FBXL17: variants seen among roughly 807,000 people sequenced by gnomAD.
FBXL17 encodes F-box and leucine rich repeat protein 17, also known as F-box/LRR-repeat protein 17.
In FBXL17, 22 loss-of-function variants were observed where a neutral mutation model predicts 66.2. The observed-to-expected ratio is 0.33, with a 90% confidence interval of 0.24 to 0.47. The LOEUF is 0.47. Among genes scored for constraint, FBXL17 ranks in the 20% least tolerant of loss-of-function variants. The probability of loss-of-function intolerance (pLI) is 1.00; values close to 1 mark genes in which losing one functional copy is unlikely to be tolerated. For synonymous variants in FBXL17, 474 were observed against 400.5 expected (o/e 1.18, Z -2.19); for missense variants, 878 against 948.2 (o/e 0.93, Z 0.97).
intron 6 of FBXL17, among the ~76,000 whole-genome samples, chr5:108,181,996 C>A (rs1337363320): frequency 6.6e-6 from 1 of 152,014 alleles, no homozygotes. Context: ...GAACAAAAGA[C>A]GTTGAAGAGA....
At chr5:107,961,530 C>A (rs1297563232) in intron 7 of FBXL17, among the ~76,000 whole-genome samples, 1 of 152,018 alleles carries the variant, frequency 6.6e-6, no homozygotes, top group African/African-American at 2.4e-5. Context: ...TCTGGCCAGG[C>A]AACTTCTGAT....
At chr5:108,288,378 T>C (rs930894194) in intron 4 of FBXL17, among the ~76,000 whole-genome samples, 4 of 147,364 alleles carry the variant, frequency 2.7e-5, no homozygotes, top group African/African-American at 1.0e-4. Flanking sequence ...TTGAAAAAAA[T>C]GGGACCAACA....
intron 6 of FBXL17, among the ~76,000 whole-genome samples, chr5:108,036,336 C>T (rs1746838985): frequency 6.6e-6 from 1 of 152,166 alleles, no homozygotes; most frequent in African/African-American, 2.4e-5. Flanking sequence ...CACAAGGAAG[C>T]ATCTCAGGCA....
intron 6 of FBXL17, among the ~76,000 whole-genome samples, chr5:108,073,838 G>A (rs1748438546): frequency 6.6e-6 from 1 of 152,114 alleles, no homozygotes; most frequent in Non-Finnish European, 1.5e-5. Flanking sequence ...CTTCTGCCAT[G>A]ATTGCAAGCT....
chr5:107,980,645 A>ATATAT (rs1554054251), intron 7 of FBXL17, among the ~76,000 whole-genome samples: 9 of 79,230 alleles, frequency 1.1e-4, no homozygotes, highest in African/African-American at 5.2e-4. Flanking sequence ...CCAATAAAAT[A>ATATAT]ATATATATAT....
chr5:108,091,474 A>G (rs1269788698), intron 6 of FBXL17, among the ~76,000 whole-genome samples: 1 of 152,178 alleles, frequency 6.6e-6, no homozygotes, highest in Non-Finnish European at 1.5e-5. Context: ...CTCTGCTTTT[A>G]CTTTTTCCTT....
At chr5:108,248,061 T>A (rs1756183235) in intron 4 of FBXL17, among the ~76,000 whole-genome samples, 3 of 152,098 alleles carry the variant, frequency 2.0e-5, no homozygotes, top group Admixed American at 2.0e-4. Context: ...AAAAAGAAAA[T>A]CCAGAGAATT....
intron 6 of FBXL17, among the ~76,000 whole-genome samples, chr5:108,145,086 T>A (rs1580508324): frequency 6.6e-6 from 1 of 152,130 alleles, no homozygotes; most frequent in East Asian, 1.9e-4. Flanking sequence ...TTCACAAAAA[T>A]TTTTAAGATA....
intron 7 of FBXL17, among the ~76,000 whole-genome samples, chr5:107,907,555 G>A (rs1239981599): frequency 6.6e-6 from 1 of 151,752 alleles, no homozygotes; most frequent in East Asian, 1.9e-4. Context: ...TCTGACAAAG[G>A]GCTAATATCC....
chr5:108,151,968 T>C (rs1313592743), intron 6 of FBXL17, among the ~76,000 whole-genome samples: 1 of 152,188 alleles, frequency 6.6e-6, no homozygotes, highest in Non-Finnish European at 1.5e-5. Context: ...AAGTAAGAAA[T>C]TGTGGTCTCA....
intron 7 of FBXL17, among the ~76,000 whole-genome samples, chr5:107,943,826 C>G (rs776401982): frequency 3.3e-5 from 5 of 152,196 alleles, no homozygotes; most frequent in Non-Finnish European, 5.9e-5. Context: ...CAACCCACTA[C>G]TGCCAGGATG....
chr5:108,037,882 C>T (rs1746904348), intron 6 of FBXL17, among the ~76,000 whole-genome samples: 1 of 152,070 alleles, frequency 6.6e-6, no homozygotes, highest in Admixed American at 6.6e-5. Flanking sequence ...AAGACATACC[C>T]CACACCATCT....
chr5:108,083,526 G>A (rs1748854974), intron 6 of FBXL17, among the ~76,000 whole-genome samples: 1 of 151,528 alleles, frequency 6.6e-6, no homozygotes, highest in Non-Finnish European at 1.5e-5. Context: ...TCAGCCTCCT[G>A]ATTAGCTGGG....
intron 8 of FBXL17, chr5:107,880,520 G>C (rs974960868): frequency 5.2e-5 from 52 of 1,002,808 alleles, no homozygotes; most frequent in Non-Finnish European, 5.9e-5. Flanking sequence ...AGTGGCATCT[G>C]ATGTATGGGG....
chr5:107,961,195 CT>C (rs1239129640), intron 7 of FBXL17, among the ~76,000 whole-genome samples: 2 of 151,840 alleles, frequency 1.3e-5, no homozygotes, highest in Admixed American at 6.6e-5. Flanking sequence ...TTCTTTCTTT[CT>C]TTTTTTCTTT....
intron 5 of FBXL17, among the ~76,000 whole-genome samples, chr5:108,214,841 C>T (rs976061377): frequency 6.6e-6 from 1 of 152,092 alleles, no homozygotes; most frequent in African/African-American, 2.4e-5. Flanking sequence ...GTTTTTAGTA[C>T]ATTGAGTGAC....
At chr5:108,263,150 G>C (rs988387718) in intron 4 of FBXL17, among the ~76,000 whole-genome samples, 3 of 152,108 alleles carry the variant, frequency 2.0e-5, no homozygotes, top group African/African-American at 7.2e-5. Context: ...CAGGCCCCAA[G>C]TAATCTTAGC....
At chr5:108,349,437 A>G (rs1427170099) in intron 3 of FBXL17, among the ~76,000 whole-genome samples, 1 of 152,288 alleles carries the variant, frequency 6.6e-6, no homozygotes, top group Admixed American at 6.5e-5. Flanking sequence ...TAAGAAAAAA[A>G]AACTTCCAAG....
chr5:108,367,148 T>C (rs1748717989), intron 2 of FBXL17, among the ~76,000 whole-genome samples: 1 of 152,130 alleles, frequency 6.6e-6, no homozygotes, highest in South Asian at 2.1e-4. Flanking sequence ...AAAATGCTAT[T>C]CTTATTGACA....
Sources: allele counts gnomAD v4.1 joint callset (sites outside exome capture counted in the v4.1 genomes callset), GRCh38; gene constraint gnomAD v4.1.1; transcripts MANE v1.5; gene names NCBI Gene and HGNC (gene_info 2026-07-23, HGNC 2026-07-21).